The following MSRB3 variants were observed in gnomAD, a reference collection of about 807,000 sequenced individuals.
The protein encoded by MSRB3 is methionine sulfoxide reductase B3.
A neutral mutation model predicts 21.0 loss-of-function variants in MSRB3; 13 were observed. The observed-to-expected ratio is 0.62, with a 90% confidence interval of 0.40 to 0.98. The LOEUF (loss-of-function observed/expected upper bound fraction) is 0.98. Among genes scored for constraint, MSRB3 ranks in the 50% least tolerant of loss-of-function variants. The probability of loss-of-function intolerance (pLI) is 0.00; values close to 1 mark genes in which losing one functional copy is unlikely to be tolerated. For synonymous variants in MSRB3, 87 were observed against 88.6 expected (o/e 0.98, Z 0.10); for missense variants, 199 against 230.3 (o/e 0.86, Z 0.88).
chr12:65,413,240 A>T (rs2136628669), intron 5 of MSRB3, among the ~76,000 whole-genome samples: 1 of 152,312 alleles, frequency 6.6e-6, no homozygotes, highest in East Asian at 1.9e-4. Flanking sequence ...GGCTTAAGCT[A>T]CCAGTGTTTA....
intron 5 of MSRB3, among the ~76,000 whole-genome samples, chr12:65,417,749 C>T (rs909991371): frequency 2.6e-5 from 4 of 152,168 alleles, no homozygotes; most frequent in African/African-American, 9.7e-5. Context: ...TCTTTCTGTG[C>T]CTGGCTTGTT....
At chr12:65,424,838 G>A (rs879115190) in intron 5 of MSRB3, among the ~76,000 whole-genome samples, 1 of 149,958 alleles carries the variant, frequency 6.7e-6, no homozygotes, top group Admixed American at 6.7e-5. Context: ...GGTATGAAGT[G>A]TAGTTCAAGT....
intron 4 of MSRB3, among the ~76,000 whole-genome samples, chr12:65,351,774 A>G (rs1025033114): frequency 1.3e-5 from 2 of 151,742 alleles, no homozygotes; most frequent in Middle Eastern, 3.2e-3. Context: ...AAGAAGTTGA[A>G]TCTCTGAATA....
intron 4 of MSRB3, among the ~76,000 whole-genome samples, chr12:65,343,608 A>G (rs1876284928): frequency 6.6e-6 from 1 of 152,012 alleles, no homozygotes; most frequent in African/African-American, 2.4e-5. Context: ...TAAGCACTTT[A>G]AAGAAAATTG....
rs558924979 is a variant in MSRB3 at position 65,391,951 on chromosome 12, T to C, written c.292+22925T>C. Among the ~76,000 whole-genome samples, 7 of 152,274 alleles carry C rather than the reference T, an allele frequency of 4.6e-5. No homozygotes were observed. In the East Asian group the frequency reaches 1.4e-3, roughly 29 times the overall value. Reference sequence around the variant, plus strand: ...GACTTCCAAAGTGGAGTTCCTTGAATGATAAAACTCTCAAGGGCCTGCCTG... The same window carrying C: ...GACTTCCAAAGTGGAGTTCCTTGAACGATAAAACTCTCAAGGGCCTGCCTG... On this transcript the variant is annotated intron_variant, in intron 5 of 6. Coordinates refer to ENST00000308259, the MANE Select transcript of MSRB3 (RefSeq NM_001031679.3).
chr12:65,452,803 C>A (rs1280310499), intron 5 of MSRB3, among the ~76,000 whole-genome samples: 1 of 152,068 alleles, frequency 6.6e-6, no homozygotes, highest in Non-Finnish European at 1.5e-5. Context: ...TTCCTTTCTG[C>A]AGAAGTAAAT....
intron 5 of MSRB3, chr12:65,419,145 A>G: frequency 1.5e-6 from 1 of 682,362 alleles, no homozygotes; most frequent in Non-Finnish European, 2.7e-6. Context: ...GCATCATCTC[A>G]ACAGCTCCAA....
chr12:65,347,327 A>G (rs1167758023), intron 4 of MSRB3, among the ~76,000 whole-genome samples: 1 of 152,000 alleles, frequency 6.6e-6, no homozygotes, highest in Non-Finnish European at 1.5e-5. Context: ...ATTCCTAGGT[A>G]TTTTATTCTC....
At chr12:65,454,534 A>G (rs2136704481) in intron 6 of MSRB3, among the ~76,000 whole-genome samples, 1 of 152,260 alleles carries the variant, frequency 6.6e-6, no homozygotes, top group Middle Eastern at 3.4e-3. Context: ...GAATGCCTCT[A>G]CTGGCAGTGA....
rs1000049439 is a variant in MSRB3 at position 65,390,052 on chromosome 12, C to T, written c.292+21026C>T. Among the ~76,000 whole-genome samples the T allele has an allele frequency of 1.4e-4, 21 of 152,116 alleles. 1 individual carries two copies. Among genetic ancestry groups the T allele is most frequent in the Admixed American group, 1.2e-3 (19 of 15,278 alleles). On this transcript the variant is annotated intron_variant, in intron 5 of 6. Coordinates refer to ENST00000308259, the MANE Select transcript of MSRB3 (RefSeq NM_001031679.3). ...GCTTTTCTTTCCTGAAACTAACAAACGTTTATATCTACACTGAACCTCCTT... is the reference window on the plus strand; with the variant it reads ...GCTTTTCTTTCCTGAAACTAACAAATGTTTATATCTACACTGAACCTCCTT...
intron 1 of MSRB3, among the ~76,000 whole-genome samples, chr12:65,299,552 A>G (rs868664855): frequency 6.6e-6 from 1 of 152,214 alleles, no homozygotes. Flanking sequence ...GTTACATTCC[A>G]TTTTCCACAA....
At chr12:65,291,531 A>G (rs149168968) in intron 1 of MSRB3, among the ~76,000 whole-genome samples, 3 of 151,266 alleles carry the variant, frequency 2.0e-5, no homozygotes, top group Admixed American at 2.0e-4. Context: ...CCAACGATCA[A>G]TCTATTTTAC....
At chr12:65,454,310 TA>T (rs2136704132) in intron 6 of MSRB3, 1 of 151,402 alleles carries the variant, frequency 6.6e-6, no homozygotes, top group African/African-American at 2.4e-5. Flanking sequence ...AATAAATAAA[TA>T]AATAAATAAA....
In MSRB3 at chr12:65,358,706, ATGG is replaced by A. The variant is rs1877531588; in HGVS notation, c.264-10290_264-10288del. 3.3e-5 allele frequency among the ~76,000 whole-genome samples: 5 copies of A among 151,946 alleles called. No homozygotes were observed. The South Asian group carries it at 1.0e-3, about 31-fold the overall frequency. ...AGTAGTGTTGGAAACCAAAATCTGA[ATGG>A]TAGGTGGCCTCTCTGCTTTGACTTT... is the stretch of plus-strand genomic sequence containing the variant. On this transcript the variant is annotated intron_variant, in intron 4 of 6. Transcript: ENST00000308259.
In MSRB3 at chr12:65,464,828, GA is replaced by G; in HGVS notation, c.*1509del. 1 of 152,202 alleles carries G rather than the reference GA, an allele frequency of 6.6e-6. No homozygotes were observed. Among genetic ancestry groups the G allele is most frequent in the East Asian group, 1.9e-4 (1 of 5,200 alleles). 9.4% of individuals were successfully genotyped at this position (152,202 alleles called of 1,614,324 possible). On this transcript the variant is annotated 3_prime_UTR_variant, in exon 7 of 7. Transcript: ENST00000308259. ...CTGGAGAGACATGGGCATTCACATG[GA>G]AAGCTAAAACGGAAGCTCAAGTTTC...
chr12:65,332,292 G>GGTGTGTGTGTGT (rs369716664), intron 4 of MSRB3, among the ~76,000 whole-genome samples: 69 of 150,250 alleles, frequency 4.6e-4, no homozygotes, highest in Non-Finnish European at 7.6e-4. Flanking sequence ...AAACAATTGA[G>GGTGTGTGTGTGT]GTGTGTGTGT....
chr12:65,399,388 CAT>C (rs1293608355), intron 5 of MSRB3, among the ~76,000 whole-genome samples: 2 of 152,240 alleles, frequency 1.3e-5, no homozygotes, highest in Non-Finnish European at 2.9e-5. Context: ...GGAGTTCACT[CAT>C]GATTTGGCTG....
At chr12:65,322,660 CAAAAA>C (rs34770864) in intron 2 of MSRB3, among the ~76,000 whole-genome samples, 5 of 87,618 alleles carry the variant, frequency 5.7e-5, no homozygotes, top group South Asian at 4.0e-4. Context: ...GACTCCATCT[CAAAAA>C]AAAAAAAAAA....
intron 4 of MSRB3, among the ~76,000 whole-genome samples, chr12:65,351,783 T>A (rs1877014456): frequency 6.6e-6 from 1 of 151,746 alleles, no homozygotes; most frequent in Non-Finnish European, 1.5e-5. Flanking sequence ...AATCTCTGAA[T>A]AGACCAATAA....
Sources: allele counts gnomAD v4.1 joint callset (sites outside exome capture counted in the v4.1 genomes callset), GRCh38; gene constraint gnomAD v4.1.1; transcripts MANE v1.5; gene names NCBI Gene and HGNC (gene_info 2026-07-23, HGNC 2026-07-21).